The following PXDNL variants were observed in gnomAD, a reference collection of about 807,000 sequenced individuals.
The protein encoded by PXDNL is probable oxidoreductase PXDNL.
PXDNL carries 145 observed loss-of-function variants against 150.8 expected under a neutral mutation model. The observed-to-expected ratio is 0.96, with a 90% CI of 0.84 to 1.10. The LOEUF (loss-of-function observed/expected upper bound fraction) is 1.10. Ranked by LOEUF, PXDNL falls within the 50% of genes least tolerant of loss-of-function variation. The probability of loss-of-function intolerance (pLI) is 0.00; values close to 1 mark genes in which losing one functional copy is unlikely to be tolerated. For synonymous variants in PXDNL, 757 were observed against 725.7 expected, an observed-to-expected ratio of 1.04 and a Z score of -0.69; for missense variants, 2,087 against 1,873.9, an observed-to-expected ratio of 1.11 and a Z score of -2.10.
intron 4 of PXDNL, among the ~76,000 whole-genome samples, chr8:51,506,044 G>A (rs529170656): frequency 6.6e-6 from 1 of 152,160 alleles, no homozygotes; most frequent in Non-Finnish European, 1.5e-5. Context: ...AGGAAAAATT[G>A]ACTGAATTAT....
chr8:51,753,036 G>A (rs549113595), intron 1 of PXDNL, among the ~76,000 whole-genome samples: 5 of 152,302 alleles, frequency 3.3e-5, no homozygotes, highest in East Asian at 1.9e-4. Context: ...GGTGCCATTC[G>A]TCCTGCACAT....
intron 3 of PXDNL, among the ~76,000 whole-genome samples, chr8:51,577,999 G>GAAAA (rs1409948869): frequency 3.2e-5 from 1 of 31,524 alleles, no homozygotes; most frequent in African/African-American, 1.3e-4. Context: ...AAGAAAGAAA[G>GAAAA]AGGAAGGAAG....
At chr8:51,339,522 C>A in intron 21 of PXDNL, 102 bp downstream of exon 21, 1 of 1,200,506 alleles carries the variant, frequency 8.3e-7, no homozygotes, top group Non-Finnish European at 1.2e-6. Context: ...TTTTATTATT[C>A]TGATACTGTG....
At chr8:51,353,727 A>G (rs1187718598) in intron 19 of PXDNL, among the ~76,000 whole-genome samples, 1 of 152,158 alleles carries the variant, frequency 6.6e-6, no homozygotes, top group African/African-American at 2.4e-5. Flanking sequence ...AATTGATCTC[A>G]TTAGTAATAT....
intron 17 of PXDNL, among the ~76,000 whole-genome samples, chr8:51,406,571 C>A (rs913109807): frequency 1.3e-5 from 2 of 152,204 alleles, no homozygotes; most frequent in Non-Finnish European, 2.9e-5. Flanking sequence ...TGACACTCAA[C>A]CCCATGCCTT....
In PXDNL at chr8:51,409,549, T is replaced by C. The variant is rs774444354; in HGVS notation, c.2075A>G (p.Asn692Ser). 4 of 1,580,796 alleles carry C rather than the reference T, an allele frequency of 2.5e-6. No homozygotes were observed. The highest frequency in any genetic ancestry group is 4.7e-5 in the East Asian group (2 of 42,726). Residue 692 changes from asparagine (N) to serine (S), a missense_variant, in exon 17 of 23, where the codon AAT (asparagine) becomes AGT (serine). By Grantham distance (46) the Asn-to-Ser change is conservative. Transcript: ENST00000356297. ...VDLEGKEFRY[N>S]DLVSPRSLSL... ...GAGGGAGCGCGGGGACACCAAGTCATTGTACCGGAATTCTGAAAGGCAAGC... is the reference window on the plus strand; with the variant it reads ...GAGGGAGCGCGGGGACACCAAGTCACTGTACCGGAATTCTGAAAGGCAAGC...
chr8:51,646,144 G>A (rs921223102), intron 2 of PXDNL, among the ~76,000 whole-genome samples: 1 of 152,164 alleles, frequency 6.6e-6, no homozygotes, highest in Admixed American at 6.5e-5. Context: ...AGGAATTAAT[G>A]TTAAGTGAAG....
chr8:51,581,485 C>T (rs1381437426), intron 3 of PXDNL, among the ~76,000 whole-genome samples: 2 of 139,642 alleles, frequency 1.4e-5, no homozygotes, highest in Non-Finnish European at 3.0e-5. Flanking sequence ...CAGAGTGAGA[C>T]CCTGTCTCTA....
chr8:51,600,255 C>T (rs375292270), intron 2 of PXDNL, among the ~76,000 whole-genome samples: 74 of 110,506 alleles, frequency 6.7e-4, no homozygotes, highest in African/African-American at 2.3e-3. Flanking sequence ...AATTATATCT[C>T]ATATAAATTA....
intron 1 of PXDNL, among the ~76,000 whole-genome samples, chr8:51,664,265 C>T (rs1815335404): frequency 1.3e-5 from 2 of 152,224 alleles, no homozygotes; most frequent in African/African-American, 4.8e-5. Context: ...AAACAAGAAG[C>T]TCTAAGTGAA....
intron 4 of PXDNL, among the ~76,000 whole-genome samples, chr8:51,549,832 C>T (rs996152730): frequency 2.6e-5 from 4 of 151,950 alleles, no homozygotes; most frequent in African/African-American, 9.7e-5. Flanking sequence ...TAACAATGAT[C>T]AGAGCAGAAC....
intron 1 of PXDNL, among the ~76,000 whole-genome samples, chr8:51,705,183 G>T (rs1272812860): frequency 1.3e-5 from 2 of 152,180 alleles, no homozygotes; most frequent in African/African-American, 4.8e-5. Flanking sequence ...ACTGAAGGGG[G>T]CCCTGGGCCA....
chr8:51,379,612 C>G (rs1297459106), intron 17 of PXDNL, among the ~76,000 whole-genome samples: 1 of 151,532 alleles, frequency 6.6e-6, no homozygotes, highest in Non-Finnish European at 1.5e-5. Flanking sequence ...ATTTGTGGTG[C>G]TTTTAATCAT....
intron 2 of PXDNL, among the ~76,000 whole-genome samples, chr8:51,648,206 G>C (rs1814964041): frequency 6.6e-6 from 1 of 152,186 alleles, no homozygotes; most frequent in Non-Finnish European, 1.5e-5. Context: ...GTAGTAGGCT[G>C]AATAATGGCC....
chr8:51,713,362 TATC>T (rs1375407258), intron 1 of PXDNL, among the ~76,000 whole-genome samples: 8 of 152,216 alleles, frequency 5.3e-5, no homozygotes, highest in Non-Finnish European at 1.2e-4. Flanking sequence ...TAGGCAGTCT[TATC>T]ATAAGCAGCA....
At chr8:51,548,918 G>A (rs1320738488) in intron 4 of PXDNL, among the ~76,000 whole-genome samples, 2 of 152,104 alleles carry the variant, frequency 1.3e-5, no homozygotes, top group Non-Finnish European at 2.9e-5. Context: ...GCCAAGTCTT[G>A]CTGTCTTCAA....
At chr8:51,351,277 G>A (rs1229962364) in intron 19 of PXDNL, among the ~76,000 whole-genome samples, 2 of 152,196 alleles carry the variant, frequency 1.3e-5, no homozygotes, top group East Asian at 3.8e-4. Context: ...TAGGGTTGTT[G>A]CAGAGTAATT....
intron 11 of PXDNL, among the ~76,000 whole-genome samples, chr8:51,447,920 C>A (rs1409959070): frequency 1.3e-5 from 2 of 152,052 alleles, no homozygotes; most frequent in African/African-American, 4.8e-5. Flanking sequence ...ACGTCATCAC[C>A]CCCAACACAG....
intron 12 of PXDNL, 55 bp from the exon 13 acceptor site, chr8:51,426,813 T>C: frequency 1.9e-6 from 2 of 1,042,380 alleles, no homozygotes; most frequent in Admixed American, 2.1e-5. Context: ...TTTGTCAACA[T>C]ATGCCAGCTG....
Sources: allele counts gnomAD v4.1 joint callset (sites outside exome capture counted in the v4.1 genomes callset), GRCh38; gene constraint gnomAD v4.1.1; transcripts MANE v1.5; gene names NCBI Gene and HGNC (gene_info 2026-07-23, HGNC 2026-07-21).